Variants in ELMOD1 observed in about 807,000 individuals in gnomAD.
ELMOD1 encodes the protein ELMO domain-containing protein 1.
ELMOD1 carries 21 observed loss-of-function variants against 46.7 expected under a neutral mutation model. The observed-to-expected ratio is 0.45, with a 90% CI of 0.32 to 0.65. ELMOD1 has a LOEUF of 0.65. ELMOD1 is among the 30% of genes least tolerant of loss of function. ELMOD1 has a pLI of 0.04. For missense variants in ELMOD1, 348 were observed against 407.8 expected (o/e 0.85, Z 1.26); for synonymous variants, 122 against 138.2 (o/e 0.88, Z 0.82).
intron 5 of ELMOD1, 70 bp from the exon 6 acceptor site, chr11:107,635,566 C>G: frequency 6.6e-7 from 1 of 1,508,582 alleles, no homozygotes; most frequent in Non-Finnish European, 9.0e-7. Flanking sequence ...ATGCATACAT[C>G]AAGTGAACAA....
At chr11:107,630,025 G>C (rs183699260) in intron 2 of ELMOD1, among the ~76,000 whole-genome samples, 1 of 152,158 alleles carries the variant, frequency 6.6e-6, no homozygotes, top group Non-Finnish European at 1.5e-5. Context: ...GGCTGTTCAT[G>C]GAGGCAAAAG....
intron 10 of ELMOD1, among the ~76,000 whole-genome samples, chr11:107,654,795 G>A (rs1055804430): frequency 1.3e-5 from 2 of 150,898 alleles, no homozygotes; most frequent in East Asian, 3.9e-4. Flanking sequence ...AAAGAATTGT[G>A]TTTGGTAGTT....
Position 107,650,359 on chromosome 11 carries a change from A to T in ELMOD1, c.579A>T (p.Thr193=), listed in dbSNP as rs1866504583. 6.3e-7 allele frequency: 1 copy of T among 1,591,986 alleles called. No homozygotes were observed. The highest frequency in any genetic ancestry group is 1.3e-5 in the African/African-American group (1 of 74,602). Residue 193 remains threonine (T), a synonymous_variant, in exon 8 of 12, where the codon ACA becomes ACT. Coordinates refer to ENST00000265840, the MANE Select transcript of ELMOD1 (RefSeq NM_018712.4). ...GGTATTTCGCGGAAAGGGATGCCAC[A>T]GCAGCTCAGCAGGTCCTGTCTGACT... ...NLQYFAERDA[T]AAQQVLSDSL...
chr11:107,650,724 G>T (rs1342511449), intron 8 of ELMOD1, among the ~76,000 whole-genome samples, 161 bp from the exon 9 acceptor site: 1 of 152,118 alleles, frequency 6.6e-6, no homozygotes, highest in East Asian at 1.9e-4. Context: ...GAAAGATGAT[G>T]GGGGAACAGA....
chr11:107,616,803 C>G (rs1053978167), intron 1 of ELMOD1, among the ~76,000 whole-genome samples: 1 of 152,172 alleles, frequency 6.6e-6, no homozygotes, highest in Non-Finnish European at 1.5e-5. Flanking sequence ...TCTTGACTTT[C>G]TTGTGCTGCA....
At chr11:107,599,385 T>C (rs1312949276) in intron 1 of ELMOD1, among the ~76,000 whole-genome samples, 1 of 152,170 alleles carries the variant, frequency 6.6e-6, no homozygotes, top group African/African-American at 2.4e-5. Flanking sequence ...GAATCTAAAA[T>C]GTCATTGACT....
chr11:107,641,336 T>C (rs1866320181), intron 6 of ELMOD1, among the ~76,000 whole-genome samples: 1 of 151,726 alleles, frequency 6.6e-6, no homozygotes, highest in Non-Finnish European at 1.5e-5. Flanking sequence ...TATATATATC[T>C]CTAACAGGAA....
chr11:107,603,771 G>A (rs1276507556), intron 1 of ELMOD1, among the ~76,000 whole-genome samples: 2 of 151,758 alleles, frequency 1.3e-5, no homozygotes, highest in Non-Finnish European at 2.9e-5. Flanking sequence ...CCAGCTACTC[G>A]GGAGGCTGAG....
intron 6 of ELMOD1, among the ~76,000 whole-genome samples, chr11:107,638,561 A>G (rs1702757278): frequency 6.6e-6 from 1 of 152,204 alleles, no homozygotes; most frequent in African/African-American, 2.4e-5. Context: ...GGGCTGACCC[A>G]TGGTTTGTGT....
At position 107,603,614 on chromosome 11, in the gene ELMOD1, T is replaced by C. The variant is rs564191835; in HGVS notation, c.-86+12205T>C. ...TATTTTGGGCTTCTTACACTCCCACTTTTAGAGGAACTGGGCACCTCTAAC... is the reference window on the plus strand; with the variant it reads ...TATTTTGGGCTTCTTACACTCCCACCTTTAGAGGAACTGGGCACCTCTAAC... On this transcript the variant is annotated intron_variant, in intron 1 of 11. Coordinates refer to ENST00000265840, the MANE Select transcript of ELMOD1 (RefSeq NM_018712.4). Among the ~76,000 whole-genome samples the C allele has an allele frequency of 7.9e-5, 12 of 151,880 alleles. No homozygotes were observed. In the South Asian group the frequency reaches 2.5e-3, roughly 32 times the overall value.
chr11:107,592,592 G>A (rs918190852), intron 1 of ELMOD1: 3 of 281,142 alleles, frequency 1.1e-5, no homozygotes, highest in Admixed American at 4.1e-5. Context: ...CCCTCCCCCA[G>A]AAGTTTTCTC....
At chr11:107,660,689 T>G (rs1267598588) in intron 11 of ELMOD1, among the ~76,000 whole-genome samples, 1 of 152,216 alleles carries the variant, frequency 6.6e-6, no homozygotes, top group Non-Finnish European at 1.5e-5. Flanking sequence ...AAGCCCAATA[T>G]CTGCATCTGA....
intron 5 of ELMOD1, among the ~76,000 whole-genome samples, chr11:107,632,274 A>T (rs115744611): frequency 0.023 from 3,535 of 152,238 alleles, 131 homozygotes; most frequent in African/African-American, 0.078. Context: ...GGGTACAGCA[A>T]TTTTTCAGTA....
chr11:107,613,890 T>C (rs2135669331), intron 1 of ELMOD1, among the ~76,000 whole-genome samples: 1 of 152,358 alleles, frequency 6.6e-6, no homozygotes, highest in African/African-American at 2.4e-5. Flanking sequence ...ATCTACATGC[T>C]GAGGAAGCCC....
intron 1 of ELMOD1, among the ~76,000 whole-genome samples, chr11:107,613,356 A>T (rs1278867900): frequency 6.6e-6 from 1 of 152,176 alleles, no homozygotes; most frequent in Non-Finnish European, 1.5e-5. Flanking sequence ...AATCCTAGAG[A>T]GGTCAAGCAA....
chr11:107,663,935 C>T (rs566581659), intron 11 of ELMOD1, among the ~76,000 whole-genome samples: 1 of 152,260 alleles, frequency 6.6e-6, no homozygotes, highest in East Asian at 1.9e-4. Flanking sequence ...TTTTCTACCT[C>T]CTTCTAATGT....
At chr11:107,611,011 A>AG (rs1865770818) in intron 1 of ELMOD1, among the ~76,000 whole-genome samples, 1 of 150,962 alleles carries the variant, frequency 6.6e-6, no homozygotes, top group African/African-American at 2.4e-5. Flanking sequence ...AAAAAAAAAA[A>AG]AAAAAAGAAA....
chr11:107,650,463 C>A, intron 8 of ELMOD1, 60 bp downstream of exon 8: 1 of 1,141,864 alleles, frequency 8.8e-7, no homozygotes, highest in Non-Finnish European at 1.3e-6. Flanking sequence ...TGAACTTCAT[C>A]TCCTACATGT....
At chr11:107,622,098 A>G (rs6588972) in intron 2 of ELMOD1, among the ~76,000 whole-genome samples, 128,229 of 152,198 alleles carry the variant, frequency 0.84, 54,057 homozygotes, top group East Asian at 0.92. Context: ...AGGCGTATGC[A>G]TACAAAACTA....
Sources: gnomAD v4.1 joint callset for allele counts (sites outside exome capture counted in the v4.1 genomes callset) on GRCh38, gnomAD v4.1.1 for gene constraint, MANE v1.5 for transcripts, NCBI Gene and HGNC (gene_info 2026-07-23, HGNC 2026-07-21) for gene names.